CDH20: variants seen among roughly 807,000 people sequenced by gnomAD.
CDH20 encodes cadherin-20.
In CDH20, 29 loss-of-function variants were observed where a neutral mutation model predicts 74.2. That is an observed-to-expected ratio of 0.39 (90% CI 0.29 to 0.53). The LOEUF is 0.53. Among genes scored for constraint, CDH20 ranks in the 20% least tolerant of loss-of-function variants. The pLI is 0.69. For synonymous variants in CDH20, 469 were observed against 405.4 expected, an observed-to-expected ratio of 1.16 and a Z score of -1.88; for missense variants, 988 against 1,048.3, an observed-to-expected ratio of 0.94 and a Z score of 0.79.
chr18:61,373,264 C>A (rs1317038043), intron 1 of CDH20, among the ~76,000 whole-genome samples: 1 of 151,400 alleles, frequency 6.6e-6, no homozygotes, highest in Non-Finnish European at 1.5e-5. Flanking sequence ...ATGTATCTAA[C>A]TTTTCTACTT....
intron 2 of CDH20, among the ~76,000 whole-genome samples, chr18:61,493,239 C>T (rs899422467): frequency 4.6e-5 from 7 of 152,224 alleles, no homozygotes; most frequent in Middle Eastern, 3.4e-3. Flanking sequence ...CAGTTTCTCT[C>T]GGATGCATCT....
In CDH20 at chr18:61,490,399, C is replaced by T; in HGVS notation, c.-152-3C>T. The stretch of plus-strand genomic sequence containing the variant: ...TCACACTGTGTTTTCCTTAACTTGA[C>T]AGGAAGTCAACTTCAAGCAGATTGA... On this transcript the variant is annotated splice_region_variant and splice_polypyrimidine_tract_variant and intron_variant, in intron 1 of 11. Transcript: ENST00000262717. 1.4e-6 allele frequency: 1 copy of T among 719,604 alleles called. No individual in the cohort carries two copies. The highest frequency in any genetic ancestry group is 2.3e-6 in the Non-Finnish European group (1 of 436,286). 44.6% of individuals were successfully genotyped at this position (719,604 alleles called of 1,614,324 possible). A position where few individuals can be genotyped will look rare whatever the true frequency, so the allele number is the denominator to read the frequency against.
intron 1 of CDH20, among the ~76,000 whole-genome samples, chr18:61,376,850 G>C (rs960879270): frequency 2.0e-5 from 3 of 152,102 alleles, no homozygotes; most frequent in African/African-American, 7.2e-5. Flanking sequence ...GCTAGGAATA[G>C]GTGCGTATGC....
chr18:61,482,057 T>C (rs1910608200), intron 1 of CDH20, among the ~76,000 whole-genome samples: 1 of 151,544 alleles, frequency 6.6e-6, no homozygotes, highest in Non-Finnish European at 1.5e-5. Context: ...AAGATAAATT[T>C]TACCAGGTTA....
intron 6 of CDH20, among the ~76,000 whole-genome samples, chr18:61,511,328 C>G (rs1911776309): frequency 6.6e-6 from 1 of 151,536 alleles, no homozygotes. Context: ...CATGCCACAG[C>G]CACCTATTTT....
intron 1 of CDH20, among the ~76,000 whole-genome samples, chr18:61,465,598 GAAAA>G (rs34570273): frequency 6.8e-6 from 1 of 145,994 alleles, no homozygotes; most frequent in African/African-American, 2.5e-5. Context: ...ATTACATGGG[GAAAA>G]AAAAAAAAAG....
At chr18:61,529,534 T>A (rs543278534) in intron 7 of CDH20, among the ~76,000 whole-genome samples, 4 of 152,366 alleles carry the variant, frequency 2.6e-5, no homozygotes, top group African/African-American at 9.6e-5. Context: ...ACTTTATAGA[T>A]GTTGTATTTC....
At chr18:61,520,618 CA>C (rs60525602) in intron 6 of CDH20, among the ~76,000 whole-genome samples, 143,809 of 150,756 alleles carry the variant, frequency 0.95, 68,755 homozygotes, top group East Asian at 0.99. Context: ...CTCTCCACCC[CA>C]AAATCAACAG....
chr18:61,520,785 A>G (rs1470475629), intron 6 of CDH20, among the ~76,000 whole-genome samples: 2 of 151,272 alleles, frequency 1.3e-5, no homozygotes, highest in Admixed American at 1.3e-4. Flanking sequence ...TTAAAAACTC[A>G]CTCAAAACAC....
At chr18:61,523,006 C>T (rs1912265258) in intron 6 of CDH20, among the ~76,000 whole-genome samples, 1 of 152,066 alleles carries the variant, frequency 6.6e-6, no homozygotes, top group Non-Finnish European at 1.5e-5. Context: ...TAGGCATGGG[C>T]AAAGGCTTTG....
At chr18:61,451,237 A>G (rs1363550116) in intron 1 of CDH20, among the ~76,000 whole-genome samples, 2 of 152,022 alleles carry the variant, frequency 1.3e-5, no homozygotes, top group East Asian at 3.9e-4. Flanking sequence ...ACAACAGCTT[A>G]TGAAAGCCTA....
chr18:61,507,503 T>C lies in CDH20; in HGVS notation c.960T>C (p.Asp320=), dbSNP rs2144330571. The change falls in exon 6 of 12, where the codon GAT becomes GAC. Residue 320 remains aspartate (D), a synonymous_variant. Transcript: ENST00000262717. The part of the protein sequence containing the change: ...KYTIVDGDGA[D]AFDISTDPNF... ...CTATTGTGGATGGAGATGGTGCAGA[T>C]GCCTTTGACATTAGCACAGATCCCA... 1 of 1,614,122 alleles carries C rather than the reference T, an allele frequency of 6.2e-7. No individual in the cohort carries two copies. Among genetic ancestry groups the C allele is most frequent in the Admixed American group, 1.7e-5 (1 of 60,014 alleles).
chr18:61,397,718 A>C (rs954271804), intron 1 of CDH20, among the ~76,000 whole-genome samples: 3 of 152,142 alleles, frequency 2.0e-5, no homozygotes, highest in Non-Finnish European at 4.4e-5. Flanking sequence ...TTCTAATCTC[A>C]GCTCTGCCAC....
intron 1 of CDH20, among the ~76,000 whole-genome samples, chr18:61,339,305 G>A (rs1029974165): frequency 4.0e-5 from 6 of 151,248 alleles, no homozygotes; most frequent in African/African-American, 1.5e-4. Context: ...TACTCTTTAA[G>A]TACTGAGTCT....
intron 1 of CDH20, among the ~76,000 whole-genome samples, chr18:61,388,019 C>T (rs766214560): frequency 4.0e-5 from 6 of 151,702 alleles, no homozygotes; most frequent in Non-Finnish European, 7.4e-5. Context: ...GAAATTAAAA[C>T]CTGGCAAGGA....
intron 1 of CDH20, among the ~76,000 whole-genome samples, chr18:61,472,853 A>C (rs902174444): frequency 6.6e-6 from 1 of 152,210 alleles, no homozygotes; most frequent in Non-Finnish European, 1.5e-5. Flanking sequence ...TATTAAGCAA[A>C]GCAAATTTCT....
At chr18:61,457,941 TATCA>T (rs1248538707) in intron 1 of CDH20, among the ~76,000 whole-genome samples, 1 of 152,186 alleles carries the variant, frequency 6.6e-6, no homozygotes, top group Non-Finnish European at 1.5e-5. Flanking sequence ...TAATCTGGGT[TATCA>T]ATCAACTCCT....
chr18:61,371,410 G>A (rs557611437), intron 1 of CDH20, among the ~76,000 whole-genome samples: 1 of 152,102 alleles, frequency 6.6e-6, no homozygotes, highest in Admixed American at 6.6e-5. Flanking sequence ...TCTTCTTTGA[G>A]GTTGTTATCC....
At chr18:61,425,988 A>G (rs900675389) in intron 1 of CDH20, among the ~76,000 whole-genome samples, 1 of 152,200 alleles carries the variant, frequency 6.6e-6, no homozygotes, top group African/African-American at 2.4e-5. Flanking sequence ...TACAAATGGA[A>G]TTTAATTTGC....
Sources: gnomAD v4.1 joint callset for allele counts (sites outside exome capture counted in the v4.1 genomes callset) on GRCh38, gnomAD v4.1.1 for gene constraint, MANE v1.5 for transcripts, NCBI Gene and HGNC (gene_info 2026-07-23, HGNC 2026-07-21) for gene names.